The following RIPK2 variants were observed in gnomAD, a reference collection of about 807,000 sequenced individuals.
RIPK2 encodes the protein receptor-interacting serine/threonine-protein kinase 2.
A neutral mutation model predicts 60.9 loss-of-function variants in RIPK2; 38 were observed. The ratio of observed to expected loss-of-function variants is 0.62; its 90% CI spans 0.48 to 0.82. The LOEUF is 0.82. Ranked by LOEUF, RIPK2 falls within the 40% of genes least tolerant of loss-of-function variation. The pLI, the probability that RIPK2 is intolerant of heterozygous loss-of-function variation, is 0.00. For missense variants in RIPK2, 518 were observed against 647.0 expected, an observed-to-expected ratio of 0.80 and a Z score of 2.16; for synonymous variants, 225 against 223.4, an observed-to-expected ratio of 1.01 and a Z score of -0.06.
intron 7 of RIPK2, chr8:89,780,761 T>C (rs1312104441): frequency 6.6e-6 from 1 of 152,102 alleles, no homozygotes; most frequent in African/African-American, 2.4e-5. Flanking sequence ...CTGTAGAATT[T>C]TTATTAAATT....
At position 89,757,983 on chromosome 8, in the gene RIPK2, C is replaced by T. The variant is rs200192187; in HGVS notation, c.-78C>T. On this transcript the variant is annotated 5_prime_UTR_variant, in exon 1 of 11. Coordinates refer to ENST00000220751, the MANE Select transcript of RIPK2 (RefSeq NM_003821.6). ...TCGCTCGTGCAGGGGCGTATCTGGGCGCCTGAGCGCGGCGTGGGAGCCTTG... is the reference window on the plus strand; with the variant it reads ...TCGCTCGTGCAGGGGCGTATCTGGGTGCCTGAGCGCGGCGTGGGAGCCTTG... The T allele has an allele frequency of 6.9e-7, 1 of 1,454,606 alleles. No homozygotes were observed. Among genetic ancestry groups the T allele is most frequent in the South Asian group, 1.4e-5 (1 of 71,780 alleles). 90.1% of individuals were successfully genotyped at this position (1,454,606 alleles called of 1,614,324 possible).
intron 1 of RIPK2, among the ~76,000 whole-genome samples, 155 bp downstream of exon 1, chr8:89,758,388 G>C (rs978998553): frequency 6.6e-6 from 1 of 152,140 alleles, no homozygotes; most frequent in African/African-American, 2.4e-5. Context: ...GGGAGATAGG[G>C]AGCACCCACC....
chr8:89,783,683 A>G (rs934655613), intron 7 of RIPK2, among the ~76,000 whole-genome samples: 1 of 152,176 alleles, frequency 6.6e-6, no homozygotes, highest in Admixed American at 6.5e-5. Flanking sequence ...TAGACATACA[A>G]TCACACTCCC....
Position 89,780,177 on chromosome 8 carries a change from A to C in RIPK2, c.939+17A>C. The C allele has an allele frequency of 7.8e-7, 1 of 1,286,978 alleles. No individual in the cohort carries two copies. Among genetic ancestry groups the C allele is most frequent in the Non-Finnish European group, 1.1e-6 (1 of 914,432 alleles). 79.7% of individuals were successfully genotyped at this position (1,286,978 alleles called of 1,614,324 possible). ...AAAACAAAGGTAAGTTGCTAAATGA[A>C]ATGCTGGAAATTAGAAATTTAAACA... On this transcript the variant is annotated intron_variant, in intron 7 of 10. Coordinates refer to ENST00000220751, the MANE Select transcript of RIPK2 (RefSeq NM_003821.6).
chr8:89,762,250 C>T (rs1286416002), intron 1 of RIPK2, among the ~76,000 whole-genome samples: 2 of 151,886 alleles, frequency 1.3e-5, no homozygotes, highest in African/African-American at 4.8e-5. Context: ...AGCCAGTTAC[C>T]CCAGCAGTCT....
chr8:89,779,006 G>A (rs1809447129), intron 6 of RIPK2, among the ~76,000 whole-genome samples: 1 of 152,152 alleles, frequency 6.6e-6, no homozygotes, highest in Admixed American at 6.5e-5. Context: ...TGAGTATGGA[G>A]TGATATCTCA....
intron 1 of RIPK2, chr8:89,759,269 T>A (rs969328196): frequency 3.9e-5 from 18 of 456,156 alleles, no homozygotes; most frequent in Non-Finnish European, 7.1e-5. Context: ...CATAGACCTG[T>A]GACTGTGTAT....
intron 6 of RIPK2, among the ~76,000 whole-genome samples, chr8:89,777,998 G>A (rs1809429771): frequency 6.6e-6 from 1 of 152,084 alleles, no homozygotes; most frequent in South Asian, 2.1e-4. Flanking sequence ...AGATACCAGA[G>A]TAAGCACAAG....
chr8:89,773,679 CA>C (rs1316313262), intron 6 of RIPK2, among the ~76,000 whole-genome samples: 3 of 152,104 alleles, frequency 2.0e-5, no homozygotes, highest in Non-Finnish European at 4.4e-5. Flanking sequence ...CTAGAAAAGA[CA>C]CTTTCAGGAA....
intron 3 of RIPK2, among the ~76,000 whole-genome samples, chr8:89,765,821 G>A (rs1026602696): frequency 1.3e-5 from 2 of 151,480 alleles, no homozygotes; most frequent in African/African-American, 4.8e-5. Context: ...GTAATAAAGA[G>A]GTTTCATGTA....
chr8:89,789,688 T>C (rs911735090), intron 10 of RIPK2, among the ~76,000 whole-genome samples: 1 of 152,166 alleles, frequency 6.6e-6, no homozygotes, highest in African/African-American at 2.4e-5. Context: ...AGGGAGGCAG[T>C]GCTAAGAGGA....
At chr8:89,782,643 GAAA>G (rs747253457) in intron 7 of RIPK2, among the ~76,000 whole-genome samples, 15 of 109,122 alleles carry the variant, frequency 1.4e-4, no homozygotes, top group African/African-American at 4.5e-4. Flanking sequence ...TGTCTCTTAA[GAAA>G]AAAAAAAAAA....
chr8:89,765,236 C>T, intron 2 of RIPK2, 105 bp from the exon 3 acceptor site: 1 of 731,430 alleles, frequency 1.4e-6, no homozygotes, highest in African/African-American at 1.8e-5. Context: ...ATGTTTTAAC[C>T]TTAGTTTATA....
chr8:89,786,426 G>A (rs1809587856), intron 8 of RIPK2, among the ~76,000 whole-genome samples, 167 bp from the exon 9 acceptor site: 2 of 151,630 alleles, frequency 1.3e-5, no homozygotes, highest in African/African-American at 4.9e-5. Flanking sequence ...GTGAGCCTAG[G>A]TTGTGCCACT....
At chr8:89,784,009 T>A in intron 7 of RIPK2, 41 bp from the exon 8 acceptor site, 1 of 1,052,896 alleles carries the variant, frequency 9.5e-7, no homozygotes, top group Non-Finnish European at 1.4e-6. Context: ...TTCCTAATCA[T>A]CTCCAGTTAA....
chr8:89,788,635 G>T (rs958907349), intron 9 of RIPK2, among the ~76,000 whole-genome samples: 3 of 152,100 alleles, frequency 2.0e-5, no homozygotes. Flanking sequence ...AAATTAGCCA[G>T]TTGTGGTAGC....
intron 6 of RIPK2, among the ~76,000 whole-genome samples, chr8:89,778,127 TA>T (rs869269948): frequency 3.3e-5 from 5 of 149,502 alleles, no homozygotes; most frequent in African/African-American, 1.3e-4. Flanking sequence ...TTCCTTTTTT[TA>T]AAAAAAATAT....
Position 89,769,825 on chromosome 8 carries a change from A to G in RIPK2, c.537A>G (p.Arg179=), listed in dbSNP as rs1432533494. ...KWRMMSLSQS[R]SSKSAPEGGT... is the part of the protein sequence containing the mutation. ...GCATGATGTCCCTCTCACAGTCACG[A>G]AGTAGCAAATCTGCACCAGAAGGAG... The change falls in exon 4 of 11, where the codon CGA becomes CGG. Residue 179 remains arginine (R), a synonymous_variant. Transcript: ENST00000220751. 2 of 1,609,972 alleles carry G rather than the reference A, an allele frequency of 1.2e-6. No homozygotes were observed. Among genetic ancestry groups the G allele is most frequent in the South Asian group, 2.2e-5 (2 of 90,696 alleles).
In RIPK2 at chr8:89,786,702, A is replaced by C. The variant is rs1809593546; in HGVS notation, c.1123+16A>C. The C allele has an allele frequency of 2.2e-6, 3 of 1,391,268 alleles. No homozygotes were observed. Among genetic ancestry groups the C allele is most frequent in the Non-Finnish European group, 1.0e-6 (1 of 997,468 alleles). The allele number at this position is 1,391,268 out of a possible 1,614,324, so 86.2% of individuals were successfully genotyped here. ...TTTTTATCTAGTATGTAGATTTTCC[A>C]ATCATTATTTACTTGCAAGTTTTCC... On this transcript the variant is annotated intron_variant, in intron 9 of 10. Transcript: ENST00000220751.
Sources: allele counts gnomAD v4.1 joint callset (sites outside exome capture counted in the v4.1 genomes callset), GRCh38; gene constraint gnomAD v4.1.1; transcripts MANE v1.5; gene names NCBI Gene and HGNC (gene_info 2026-07-23, HGNC 2026-07-21).